The following PCDHA11 variants were observed in gnomAD, a reference collection of about 807,000 sequenced individuals.
PCDHA11 encodes protocadherin alpha-11.
A neutral mutation model predicts 70.3 loss-of-function variants in PCDHA11; 61 were observed. That is an observed-to-expected ratio of 0.87 (90% CI 0.71 to 1.07). The LOEUF is 1.07. Among genes scored for constraint, PCDHA11 ranks in the 50% least tolerant of loss-of-function variants. PCDHA11 has a pLI of 0.00. For missense variants in PCDHA11, 1,324 were observed against 1,237.5 expected (o/e 1.07, Z -1.05); for synonymous variants, 633 against 555.1 (o/e 1.14, Z -1.97).
chr5:140,897,457 C>T (rs1173344812), intron 1 of PCDHA11, among the ~76,000 whole-genome samples: 11 of 151,186 alleles, frequency 7.3e-5, no homozygotes, highest in East Asian at 1.9e-4. Context: ...TTTGTCCTTG[C>T]GATAGTTTAC....
intron 1 of PCDHA11, chr5:140,967,990 G>C: frequency 6.2e-7 from 1 of 1,614,232 alleles, no homozygotes; most frequent in Non-Finnish European, 8.5e-7. Flanking sequence ...AGGCCACACT[G>C]CCTTTCCGAC....
At position 140,877,641 on chromosome 5, in the gene PCDHA11, C is replaced by G. The variant is rs548787462; in HGVS notation, c.2391+6147C>G. ...TGCTGCTGTACACTGCGCTGCGTTG[C>G]TCAGCGCCGCCCACCGTGAGCCGGT... On this transcript the variant is annotated intron_variant, in intron 1 of 3. Transcript: ENST00000398640. 6.2e-6 allele frequency: 10 copies of G among 1,613,592 alleles called. 1 individual carries two copies. In the South Asian group the frequency reaches 9.9e-5, roughly 16 times the overall value.
intron 1 of PCDHA11, chr5:140,883,167 G>A (rs781855278): frequency 6.2e-7 from 1 of 1,613,864 alleles, no homozygotes; most frequent in East Asian, 2.2e-5. Context: ...CCGAACAATG[G>A]AGAAATTAGG....
chr5:140,999,987 G>T (rs1033618024), intron 3 of PCDHA11, among the ~76,000 whole-genome samples: 6 of 152,042 alleles, frequency 3.9e-5, no homozygotes, highest in Non-Finnish European at 7.4e-5. Context: ...CGGCCTCTGG[G>T]TAGTGGTATT....
At chr5:140,966,416 A>T in intron 1 of PCDHA11, 1 of 419,730 alleles carries the variant, frequency 2.4e-6, no homozygotes, top group Non-Finnish European at 4.1e-6. Context: ...TCAGAGCAGG[A>T]CTTGCTGAGC....
At position 141,010,447 on chromosome 5, in the gene PCDHA11, A is replaced by G. The variant is rs1343052000; in HGVS notation, c.*510A>G. On this transcript the variant is annotated 3_prime_UTR_variant, in exon 4 of 4. Coordinates refer to ENST00000398640, the MANE Select transcript of PCDHA11 (RefSeq NM_018902.5). Reference sequence around the variant, plus strand: ...GGCAAGAAAACAAAGACAAATAAACAGCGGAAGTTATCAGTATGGAGGGGA... The same window carrying G: ...GGCAAGAAAACAAAGACAAATAAACGGCGGAAGTTATCAGTATGGAGGGGA... 2 of 935,278 alleles carry G rather than the reference A, an allele frequency of 2.1e-6. No homozygotes were observed. Among genetic ancestry groups the G allele is most frequent in the Non-Finnish European group, 3.1e-6 (2 of 648,428 alleles). The allele number at this position is 935,278 out of a possible 1,614,324, so 57.9% of individuals were successfully genotyped here.
chr5:140,870,851 C>A lies in PCDHA11; in HGVS notation c.1748C>A (p.Ser583Ter). 1 of 1,613,838 alleles carries A rather than the reference C, an allele frequency of 6.2e-7. No individual in the cohort carries two copies. The highest frequency in any genetic ancestry group is 8.5e-7 in the Non-Finnish European group (1 of 1,179,894). Residue 583 changes from serine to a stop codon, truncating the protein, a stop_gained, in exon 1 of 4, where the codon TCG becomes TAG. Transcript: ENST00000398640. LOFTEE classifies it high-confidence loss of function. ...GCAGTTAACAAGCTAGTACCGCGGT[C>A]GGTGGGTGCGGGCCACGTGGTGGCG... is the stretch of plus-strand genomic sequence containing the variant. ...GGAVNKLVPR[S>*]VGAGHVVAKV...
intron 1 of PCDHA11, among the ~76,000 whole-genome samples, chr5:140,899,225 A>G (rs1479429839): frequency 6.6e-6 from 1 of 152,038 alleles, no homozygotes; most frequent in African/African-American, 2.4e-5. Flanking sequence ...TTCCAACACT[A>G]TGTTGAATAG....
intron 1 of PCDHA11, among the ~76,000 whole-genome samples, chr5:140,945,559 A>T (rs1365534966): frequency 6.6e-6 from 1 of 152,096 alleles, no homozygotes; most frequent in Non-Finnish European, 1.5e-5. Flanking sequence ...GAAGCTGAAG[A>T]CATCATACTA....
intron 1 of PCDHA11, among the ~76,000 whole-genome samples, chr5:140,944,651 C>T (rs1554216459): frequency 6.6e-6 from 1 of 152,152 alleles, no homozygotes; most frequent in Non-Finnish European, 1.5e-5. Context: ...ATTGGGAGTC[C>T]ATACCCCTTA....
intron 1 of PCDHA11, chr5:140,876,998 C>T: frequency 6.2e-7 from 1 of 1,612,502 alleles, no homozygotes; most frequent in South Asian, 1.1e-5. Flanking sequence ...AGCTACGTGT[C>T]GGTGCACGCG....
intron 1 of PCDHA11, among the ~76,000 whole-genome samples, chr5:140,902,930 A>G (rs1252677303): frequency 1.3e-5 from 2 of 152,190 alleles, no homozygotes; most frequent in Non-Finnish European, 2.9e-5. Context: ...CATGGTGTAT[A>G]TATACCACAT....
At chr5:140,966,821 C>T (rs1554228738) in intron 1 of PCDHA11, 1 of 1,557,928 alleles carries the variant, frequency 6.4e-7, no homozygotes, top group Admixed American at 1.9e-5. Flanking sequence ...GCTCCGGCGG[C>T]CCATGCCCTG....
In PCDHA11 at chr5:140,952,330, C is replaced by A. The variant is rs564242872; in HGVS notation, c.2392-26619C>A. On this transcript the variant is annotated intron_variant, in intron 1 of 3. Transcript: ENST00000398640. ...TCCAGCCTGGGCAACAAGAGTGAAACTCCATCTCAAAAAAAAAAAAAAAAG... is the reference window on the plus strand; with the variant it reads ...TCCAGCCTGGGCAACAAGAGTGAAAATCCATCTCAAAAAAAAAAAAAAAAG... Among the ~76,000 whole-genome samples the A allele has an allele frequency of 2.2e-4, 26 of 120,342 alleles. No individual in the cohort carries two copies. The South Asian group carries it at 3.3e-3, about 15-fold the overall frequency. The allele number at this position is 120,342 out of a possible 152,430, so 78.9% of individuals were successfully genotyped here. A position where few individuals can be genotyped will look rare whatever the true frequency, so the allele number is the denominator to read the frequency against.
chr5:140,877,396 G>T (rs781989521), intron 1 of PCDHA11: 43 of 1,613,834 alleles, frequency 2.7e-5, no homozygotes, highest in South Asian at 1.8e-4. Context: ...TGAGGCGGAC[G>T]CTCCGCGCCA....
At chr5:140,952,257 C>T (rs1224282193) in intron 1 of PCDHA11, among the ~76,000 whole-genome samples, 1 of 151,342 alleles carries the variant, frequency 6.6e-6, no homozygotes, top group Non-Finnish European at 1.5e-5. Flanking sequence ...GGTGGATTCC[C>T]ATTCTGGGGT....
chr5:140,917,837 T>G (rs2078388052), intron 1 of PCDHA11, among the ~76,000 whole-genome samples: 1 of 152,174 alleles, frequency 6.6e-6, no homozygotes, highest in Non-Finnish European at 1.5e-5. Context: ...GATGTCCTTC[T>G]TGTTCTTTTT....
At chr5:140,967,697 G>A (rs1554229803) in intron 1 of PCDHA11, 1 of 1,614,196 alleles carries the variant, frequency 6.2e-7, no homozygotes, top group Admixed American at 1.7e-5. Flanking sequence ...CTTCAGCATA[G>A]ATGCCAGTAC....
intron 3 of PCDHA11, among the ~76,000 whole-genome samples, chr5:141,005,407 T>C (rs2098211600): frequency 1.3e-5 from 2 of 151,168 alleles, no homozygotes; most frequent in Admixed American, 1.3e-4. Context: ...ACTTGAAGAG[T>C]GAGGAGTCAT....
Sources: allele counts gnomAD v4.1 joint callset (sites outside exome capture counted in the v4.1 genomes callset), GRCh38; gene constraint gnomAD v4.1.1; transcripts MANE v1.5; gene names NCBI Gene and HGNC (gene_info 2026-07-23, HGNC 2026-07-21).